Variants in NCKAP5 observed in about 807,000 individuals in gnomAD.
The protein encoded by NCKAP5 is NCK associated protein 5, also known as nck-associated protein 5.
A neutral mutation model predicts 167.0 loss-of-function variants in NCKAP5; 92 were observed. The ratio of observed to expected loss-of-function variants is 0.55; its 90% CI spans 0.47 to 0.66. NCKAP5 has a LOEUF of 0.66. NCKAP5 is among the 30% of genes least tolerant of loss of function. NCKAP5 has a pLI of 0.00. For synonymous variants in NCKAP5, 891 were observed against 877.4 expected (o/e 1.02, Z -0.27); for missense variants, 2,378 against 2,315.0 (o/e 1.03, Z -0.56).
At chr2:132,943,215 A>G (rs2149107063) in intron 8 of NCKAP5, among the ~76,000 whole-genome samples, 1 of 152,350 alleles carries the variant, frequency 6.6e-6, no homozygotes, top group East Asian at 1.9e-4. Flanking sequence ...CTATCTTTCC[A>G]TTCAAGGCTT....
intron 3 of NCKAP5, among the ~76,000 whole-genome samples, chr2:133,398,102 G>A (rs142737976): frequency 8.3e-4 from 126 of 152,108 alleles, no homozygotes; most frequent in Non-Finnish European, 1.5e-3. Context: ...CATGGAAAAC[G>A]TACTGCCCTG....
At chr2:133,627,236 T>A in the NCKAP5 span, among the ~76,000 whole-genome samples, 2 of 151,766 alleles carry the variant, frequency 1.3e-5, no homozygotes, top group African/African-American at 4.8e-5. Context: ...TCAAGGAAAA[T>A]GGGTATAAAA....
chr2:132,946,449 A>C (rs1418459146), intron 8 of NCKAP5, among the ~76,000 whole-genome samples: 3 of 152,208 alleles, frequency 2.0e-5, no homozygotes, highest in Non-Finnish European at 4.4e-5. Flanking sequence ...CGGCCCTCAA[A>C]AAACTATTTA....
intron 12 of NCKAP5, among the ~76,000 whole-genome samples, chr2:132,794,975 G>C (rs1684463649): frequency 6.6e-6 from 1 of 152,100 alleles, no homozygotes; most frequent in Non-Finnish European, 1.5e-5. Flanking sequence ...GAACTGAAGG[G>C]GGCCAAAGGA....
intron 5 of NCKAP5, among the ~76,000 whole-genome samples, chr2:133,183,728 C>A (rs1322884989): frequency 6.6e-6 from 1 of 152,038 alleles, no homozygotes; most frequent in Non-Finnish European, 1.5e-5. Context: ...AAAGATCTAG[C>A]CATTGCAATC....
intron 2 of NCKAP5, among the ~76,000 whole-genome samples, chr2:133,558,794 T>C (rs1223912288): frequency 4.8e-5 from 7 of 146,390 alleles, no homozygotes; most frequent in African/African-American, 1.8e-4. Context: ...CACATTGTTC[T>C]CTGTAGTTGT....
intron 1 of NCKAP5, among the ~76,000 whole-genome samples, chr2:133,562,816 A>G (rs557829044): frequency 6.6e-6 from 1 of 152,344 alleles, no homozygotes; most frequent in South Asian, 2.1e-4. Flanking sequence ...TGTGTAATTG[A>G]GGCTTCCAAA....
chr2:133,251,114 C>G (rs2088296194), intron 4 of NCKAP5, among the ~76,000 whole-genome samples: 1 of 149,796 alleles, frequency 6.7e-6, no homozygotes, highest in Admixed American at 6.6e-5. Context: ...TAAGAAAACA[C>G]AAAGAAAAAA....
At chr2:133,471,423 A>G (rs1679296792) in intron 3 of NCKAP5, among the ~76,000 whole-genome samples, 1 of 152,156 alleles carries the variant, frequency 6.6e-6, no homozygotes, top group Non-Finnish European at 1.5e-5. Context: ...AAAGCAAATG[A>G]CATTTCTCTC....
intron 2 of NCKAP5, among the ~76,000 whole-genome samples, chr2:133,523,050 T>C (rs1048208218): frequency 9.9e-5 from 15 of 151,998 alleles, no homozygotes; most frequent in Non-Finnish European, 1.3e-4. Flanking sequence ...CATCTCTAGC[T>C]AGTGAAACTA....
chr2:133,105,358 A>G (rs1181528124), intron 6 of NCKAP5, among the ~76,000 whole-genome samples: 5 of 151,946 alleles, frequency 3.3e-5, no homozygotes, highest in Non-Finnish European at 7.4e-5. Flanking sequence ...CAATAAATAC[A>G]TGGACATAAC....
intron 5 of NCKAP5, among the ~76,000 whole-genome samples, chr2:133,210,922 G>C (rs980606315): frequency 2.0e-5 from 3 of 152,070 alleles, no homozygotes; most frequent in African/African-American, 7.2e-5. Context: ...GCCCTCCAAT[G>C]GTTCCCATCT....
At chr2:133,402,570 C>T (rs969289571) in intron 3 of NCKAP5, among the ~76,000 whole-genome samples, 2 of 152,094 alleles carry the variant, frequency 1.3e-5, no homozygotes, top group South Asian at 2.1e-4. Context: ...GGGAGGTGTT[C>T]GTGGGCCTGG....
Position 133,337,974 on chromosome 2 carries a change from A to G in NCKAP5, c.70-34864T>C, listed in dbSNP as rs11899560. On this transcript the variant is annotated intron_variant, in intron 3 of 19. Coordinates refer to ENST00000409261, the MANE Select transcript of NCKAP5 (RefSeq NM_207363.3). ...ACACTATATAATATGGGCTATACTCAGATATCTAAACATTTTATTCCTTCA... is the reference window on the plus strand; with the variant it reads ...ACACTATATAATATGGGCTATACTCGGATATCTAAACATTTTATTCCTTCA... Among the ~76,000 whole-genome samples, 1,495 of 152,352 alleles carry G rather than the reference A, an allele frequency of 9.8e-3. 27 individuals are homozygous for G. The highest frequency in any genetic ancestry group is 0.032 in the African/African-American group (1,321 of 41,574).
chr2:132,868,580 T>C (rs1036906401), intron 10 of NCKAP5, among the ~76,000 whole-genome samples: 3 of 152,192 alleles, frequency 2.0e-5, no homozygotes, highest in African/African-American at 7.2e-5. Context: ...AATTTTAGAC[T>C]TTTGTTAATG....
intron 9 of NCKAP5, among the ~76,000 whole-genome samples, chr2:132,877,466 G>A (rs1357566174): frequency 2.0e-5 from 3 of 152,172 alleles, no homozygotes; most frequent in Non-Finnish European, 4.4e-5. Context: ...AGCATCATCG[G>A]GAGGGCTTGT....
the NCKAP5 span, among the ~76,000 whole-genome samples, chr2:133,643,704 G>A: frequency 6.6e-6 from 1 of 152,032 alleles, no homozygotes; most frequent in Admixed American, 6.6e-5. Flanking sequence ...CCTCAGCAAA[G>A]TGCCTTCATG....
At chr2:133,454,424 G>A (rs761204657) in intron 3 of NCKAP5, among the ~76,000 whole-genome samples, 26 of 152,000 alleles carry the variant, frequency 1.7e-4, no homozygotes, top group Non-Finnish European at 3.4e-4. Flanking sequence ...TGCTCTAAGT[G>A]CCTTTGAGAT....
At chr2:132,704,499 C>T (rs1030952139) in intron 19 of NCKAP5, among the ~76,000 whole-genome samples, 1 of 152,196 alleles carries the variant, frequency 6.6e-6, no homozygotes, top group Non-Finnish European at 1.5e-5. Context: ...CTCCTCTGTG[C>T]ATTCCCACCA....
Sources: allele counts gnomAD v4.1 joint callset (sites outside exome capture counted in the v4.1 genomes callset), GRCh38; gene constraint gnomAD v4.1.1; transcripts MANE v1.5; gene names NCBI Gene and HGNC (gene_info 2026-07-23, HGNC 2026-07-21).